PECR: variants seen among roughly 807,000 people sequenced by gnomAD.
The protein encoded by PECR is peroxisomal trans-2-enoyl-CoA reductase, also known as 2,4-dienoyl-CoA reductase-related protein.
A neutral mutation model predicts 35.3 loss-of-function variants in PECR; 30 were observed. That is an observed-to-expected ratio of 0.85 (90% CI 0.64 to 1.15). The LOEUF is 1.15. PECR is among the 50% of genes most tolerant of loss of function. The probability of loss-of-function intolerance (pLI) is 0.00; values close to 1 mark genes in which losing one functional copy is unlikely to be tolerated. For missense variants in PECR, 392 were observed against 370.8 expected, an observed-to-expected ratio of 1.06 and a Z score of -0.47; for synonymous variants, 148 against 138.9, an observed-to-expected ratio of 1.07 and a Z score of -0.46.
intron 6 of PECR, among the ~76,000 whole-genome samples, chr2:216,045,026 A>G (rs1694965502): frequency 6.6e-6 from 1 of 152,214 alleles, no homozygotes; most frequent in Admixed American, 6.5e-5. Context: ...AGGCAGGGCC[A>G]GGACTAGGGT....
chr2:216,040,482 G>A (rs1041203764), intron 7 of PECR, among the ~76,000 whole-genome samples: 10 of 152,124 alleles, frequency 6.6e-5, no homozygotes, highest in Non-Finnish European at 1.5e-4. Flanking sequence ...TTGAATTCCT[G>A]GGATCAAGCA....
intron 4 of PECR, among the ~76,000 whole-genome samples, chr2:216,055,111 T>C (rs1408163285): frequency 7.9e-6 from 1 of 126,698 alleles, no homozygotes; most frequent in African/African-American, 3.2e-5. Flanking sequence ...GACTGTGTCT[T>C]ACAAAAAAAA....
intron 1 of PECR, among the ~76,000 whole-genome samples, chr2:216,073,606 A>G (rs1031924788): frequency 6.6e-6 from 1 of 151,752 alleles, no homozygotes; most frequent in African/African-American, 2.4e-5. Flanking sequence ...TATTTTTACT[A>G]TATCTTTTAT....
chr2:216,081,313 T>C (rs929589575), intron 1 of PECR, among the ~76,000 whole-genome samples: 1 of 152,212 alleles, frequency 6.6e-6, no homozygotes, highest in Admixed American at 6.5e-5. Context: ...ATAGAATGGA[T>C]TAATTTTAAA....
Position 216,043,037 on chromosome 2 carries a change from GTGTATA to G in PECR, c.826+861_826+866del, listed in dbSNP as rs1301715931. ...TATATACACATACGTATATATGTATGTGTATATATATATACACATACGTATATATGT... is the reference window on the plus strand; with the variant it reads ...TATATACACATACGTATATATGTATGTATATATACACATACGTATATATGT... On this transcript the variant is annotated intron_variant, in intron 7 of 7. Coordinates refer to ENST00000265322, the MANE Select transcript of PECR (RefSeq NM_018441.6). 5.6e-4 allele frequency among the ~76,000 whole-genome samples: 18 copies of G among 32,158 alleles called. 2 individuals are homozygous for G. The highest frequency in any genetic ancestry group is 1.6e-3 in the African/African-American group (17 of 10,650). 21.1% of individuals were successfully genotyped at this position (32,158 alleles called of 152,430 possible).
intron 1 of PECR, among the ~76,000 whole-genome samples, chr2:216,068,807 T>G (rs1228720041): frequency 7.2e-5 from 10 of 138,354 alleles, no homozygotes; most frequent in Non-Finnish European, 3.1e-5. Flanking sequence ...CTGGCCAATT[T>G]TTTTTTTTTT....
rs1373351318 is a variant in PECR, at chr2:216,065,377, C to G, written c.359G>C (p.Ser120Thr). 1.9e-6 allele frequency: 3 copies of G among 1,609,380 alleles called. No homozygotes were observed. The highest frequency in any genetic ancestry group is 2.6e-6 in the Non-Finnish European group (3 of 1,175,624). The change falls in exon 3 of 8, where the codon AGT (serine) becomes ACT (threonine). Residue 120 changes from serine to threonine, a missense_variant. By Grantham distance (58) the Ser-to-Thr change is moderately conservative. Transcript: ENST00000265322. ...AAGCACAGCGTGCCATCCCTTAGAA[C>G]TGATGTGTTCAGCAGGGGAAAGAAA... ...GQFLSPAEHI[S>T]SKGWHAVLET...
chr2:216,058,534 G>C (rs1335679212), intron 4 of PECR, among the ~76,000 whole-genome samples: 1 of 152,090 alleles, frequency 6.6e-6, no homozygotes, highest in Non-Finnish European at 1.5e-5. Flanking sequence ...AATTAACACA[G>C]ATTAGTTTCA....
chr2:216,081,724 C>T lies in PECR; in HGVS notation c.18G>A (p.Lys6=), dbSNP rs765645918. The T allele has an allele frequency of 4.4e-5, 71 of 1,613,268 alleles. No homozygotes were observed. Among genetic ancestry groups the T allele is most frequent in the Non-Finnish European group, 9.3e-6 (11 of 1,179,922 alleles). The change falls in exon 1 of 8, where the codon AAG becomes AAA. Residue 6 remains lysine (K), a synonymous_variant. Coordinates refer to ENST00000265322, the MANE Select transcript of PECR (RefSeq NM_018441.6). MASWA[K]GRSYLAPGLL... is the part of the protein sequence containing the mutation. Reference sequence around the variant, plus strand: ...AACCAGGCGCCAGGTAGCTCCTGCCCTTAGCCCAGGAGGCCATCCCTGCAG... The same window carrying T: ...AACCAGGCGCCAGGTAGCTCCTGCCTTTAGCCCAGGAGGCCATCCCTGCAG...
chr2:216,040,184 T>C (rs1239878838), intron 7 of PECR, among the ~76,000 whole-genome samples: 2 of 152,244 alleles, frequency 1.3e-5, no homozygotes, highest in African/African-American at 4.8e-5. Context: ...TTTTCAGTTA[T>C]GTGCCAGCGA....
intron 4 of PECR, among the ~76,000 whole-genome samples, chr2:216,054,725 A>G (rs1016855897): frequency 5.9e-5 from 9 of 152,252 alleles, no homozygotes; most frequent in African/African-American, 2.2e-4. Context: ...GTCAAATTCC[A>G]TTACGGTGAA....
chr2:216,075,858 C>T (rs1453137510), intron 1 of PECR, among the ~76,000 whole-genome samples: 1 of 152,182 alleles, frequency 6.6e-6, no homozygotes, highest in Non-Finnish European at 1.5e-5. Context: ...GTCATAATTT[C>T]CACCGGCATT....
chr2:216,058,670 A>G (rs1695276366), intron 4 of PECR, among the ~76,000 whole-genome samples: 1 of 151,552 alleles, frequency 6.6e-6, no homozygotes, highest in Admixed American at 6.6e-5. Flanking sequence ...AAAAACAAAT[A>G]CTATTTTCCC....
intron 1 of PECR, among the ~76,000 whole-genome samples, chr2:216,073,185 TAGG>T (rs1481187605): frequency 1.3e-5 from 2 of 152,218 alleles, no homozygotes; most frequent in Admixed American, 6.5e-5. Flanking sequence ...GTTATACTGT[TAGG>T]AGAAGCTTAC....
chr2:216,052,511 T>TG lies in PECR; in HGVS notation c.507-967dup, dbSNP rs1417588243. Among the ~76,000 whole-genome samples, 4 of 152,378 alleles carry TG rather than the reference T, an allele frequency of 2.6e-5. No individual in the cohort carries two copies. The East Asian group carries it at 7.7e-4, about 29-fold the overall frequency. On this transcript the variant is annotated intron_variant, in intron 4 of 7. Transcript: ENST00000265322. The stretch of plus-strand genomic sequence containing the variant: ...ATGGATAAAGAATTCCAGGTTGGCA[T>TG]GGTTTTTTCTGTTGGCACTTTAAAG...
chr2:216,040,511 C>T (rs143243764), intron 7 of PECR, among the ~76,000 whole-genome samples: 4,340 of 152,256 alleles, frequency 0.029, 79 homozygotes, highest in Non-Finnish European at 0.043. Flanking sequence ...ACCTTTGCCT[C>T]CCAAAGTGCT....
rs1352510349 is a variant in PECR, at chr2:216,051,513, T to C, written c.539A>G (p.Asn180Ser). 37 of 1,612,360 alleles carry C rather than the reference T, an allele frequency of 2.3e-5. No homozygotes were observed. The highest frequency in any genetic ancestry group is 3.0e-5 in the Non-Finnish European group (35 of 1,178,544). Residue 180 changes from asparagine to serine, a missense_variant, in exon 5 of 8, where the codon AAC (asparagine) becomes AGC (serine). Transcript: ENST00000265322. ...TTCCAAAGCTAAAGATTTGGTGAGG[T>C]TGTAAACACCTGCTCTTGCAGCTCC... ...HSGAARAGVY[N>S]LTKSLALEWA...
At chr2:216,067,797 G>A (rs1218865659) in intron 1 of PECR, among the ~76,000 whole-genome samples, 6 of 151,602 alleles carry the variant, frequency 4.0e-5, no homozygotes, top group African/African-American at 1.2e-4. Flanking sequence ...GCCTGTCTAA[G>A]AATATTTATA....
intron 4 of PECR, among the ~76,000 whole-genome samples, chr2:216,055,810 C>A (rs890960773): frequency 1.3e-5 from 2 of 152,128 alleles, no homozygotes; most frequent in Non-Finnish European, 2.9e-5. Context: ...ACTCCCACTC[C>A]ATTCCAAGGT....
Sources: gnomAD v4.1 joint callset for allele counts (sites outside exome capture counted in the v4.1 genomes callset) on GRCh38, gnomAD v4.1.1 for gene constraint, MANE v1.5 for transcripts, NCBI Gene and HGNC (gene_info 2026-07-23, HGNC 2026-07-21) for gene names.